Variants in ZNF804B observed in about 807,000 individuals in gnomAD.
ZNF804B encodes zinc finger 804B.
Under a neutral mutation model 101.4 loss-of-function variants are expected in ZNF804B, and 80 were observed. That is an observed-to-expected ratio of 0.79 (90% CI 0.66 to 0.95). The LOEUF is 0.95. Among genes scored for constraint, ZNF804B ranks in the 40% least tolerant of loss-of-function variants. The pLI is 0.00. For synonymous variants in ZNF804B, 622 were observed against 558.8 expected (o/e 1.11, Z -1.59); for missense variants, 1,673 against 1,561.9 (o/e 1.07, Z -1.20).
At chr7:89,200,166 T>C (rs10244601) in intron 1 of ZNF804B, among the ~76,000 whole-genome samples, 112,421 of 151,494 alleles carry the variant, frequency 0.74, 42,798 homozygotes, top group African/African-American at 0.87. Context: ...TGGTTGAGCT[T>C]GGATTAAAAG....
At chr7:89,240,409 T>G in intron 2 of ZNF804B, among the ~76,000 whole-genome samples, 1 of 152,032 alleles carries the variant, frequency 6.6e-6, no homozygotes, top group Non-Finnish European at 1.5e-5. Flanking sequence ...GAAAGTTTTT[T>G]TTTCTCTCTT....
intron 1 of ZNF804B, among the ~76,000 whole-genome samples, chr7:89,157,403 A>G (rs1379170314): frequency 6.6e-6 from 1 of 152,150 alleles, no homozygotes; most frequent in East Asian, 1.9e-4. Flanking sequence ...TTTTCTTTTT[A>G]TAAGTTGTAA....
chr7:88,954,480 T>TA (rs1186642184), intron 1 of ZNF804B, among the ~76,000 whole-genome samples: 1 of 151,510 alleles, frequency 6.6e-6, no homozygotes, highest in African/African-American at 2.4e-5. Flanking sequence ...TCTCTTTTCT[T>TA]AAAAGTTAAA....
At chr7:89,197,811 G>A (rs1788578083) in intron 1 of ZNF804B, among the ~76,000 whole-genome samples, 1 of 151,848 alleles carries the variant, frequency 6.6e-6, no homozygotes, top group Non-Finnish European at 1.5e-5. Context: ...GATATCTTTA[G>A]TTAAAGATAG....
chr7:89,045,881 G>A (rs1017671147), intron 1 of ZNF804B, among the ~76,000 whole-genome samples: 3 of 152,082 alleles, frequency 2.0e-5, no homozygotes, highest in African/African-American at 7.2e-5. Flanking sequence ...ATGTTGGAAA[G>A]GGCACAATTA....
chr7:88,855,386 G>A (rs1394760037), intron 1 of ZNF804B, among the ~76,000 whole-genome samples: 1 of 151,390 alleles, frequency 6.6e-6, no homozygotes, highest in Non-Finnish European at 1.5e-5. Flanking sequence ...GTGTCTGTTG[G>A]CTGCATAAAT....
intron 1 of ZNF804B, among the ~76,000 whole-genome samples, chr7:88,802,554 TTG>T (rs1376022452): frequency 6.6e-6 from 1 of 152,080 alleles, no homozygotes; most frequent in East Asian, 1.9e-4. Flanking sequence ...TAACCGAACT[TTG>T]TTAAGTGGAT....
intron 1 of ZNF804B, among the ~76,000 whole-genome samples, chr7:88,946,565 T>G (rs1241040411): frequency 2.6e-5 from 4 of 151,268 alleles, no homozygotes; most frequent in East Asian, 2.0e-4. Flanking sequence ...TTTTTTTTTT[T>G]TTTTTGTTTT....
At chr7:89,102,575 G>A (rs543762630) in intron 1 of ZNF804B, among the ~76,000 whole-genome samples, 2 of 151,902 alleles carry the variant, frequency 1.3e-5, no homozygotes, top group Non-Finnish European at 2.9e-5. Context: ...TGTAGATTGT[G>A]CATATTAGTC....
At chr7:89,080,379 T>G (rs1206834831) in intron 1 of ZNF804B, among the ~76,000 whole-genome samples, 2 of 152,002 alleles carry the variant, frequency 1.3e-5, no homozygotes, top group East Asian at 3.9e-4. Context: ...ATGGTAGTTA[T>G]TATTTGAGCT....
chr7:89,303,034 G>A (rs1790506387), intron 2 of ZNF804B, among the ~76,000 whole-genome samples: 1 of 151,852 alleles, frequency 6.6e-6, no homozygotes, highest in African/African-American at 2.4e-5. Flanking sequence ...CCTGGGCTGG[G>A]AATTACTATA....
At chr7:89,259,064 T>C (rs1456075601) in intron 2 of ZNF804B, among the ~76,000 whole-genome samples, 2 of 152,190 alleles carry the variant, frequency 1.3e-5, no homozygotes, top group Non-Finnish European at 2.9e-5. Context: ...ATAGAAGGGT[T>C]CATGTCATAA....
At chr7:89,140,835 AT>A (rs375309526) in intron 1 of ZNF804B, among the ~76,000 whole-genome samples, 2,334 of 151,516 alleles carry the variant, frequency 0.015, 66 homozygotes, top group African/African-American at 0.053. Context: ...TTCTTCAATA[AT>A]TTTTTTTTAC....
chr7:89,014,563 G>T, intron 1 of ZNF804B, among the ~76,000 whole-genome samples: 1 of 152,142 alleles, frequency 6.6e-6, no homozygotes, highest in Non-Finnish European at 1.5e-5. Context: ...TGATCCACCC[G>T]CCTTGGCCTC....
chr7:88,766,338 G>A (rs1789983297), intron 1 of ZNF804B, among the ~76,000 whole-genome samples: 1 of 152,008 alleles, frequency 6.6e-6, no homozygotes, highest in African/African-American at 2.4e-5. Context: ...AACATAAAAG[G>A]GGGTTTTGAT....
intron 1 of ZNF804B, among the ~76,000 whole-genome samples, chr7:88,882,082 C>T (rs185606780): frequency 8.4e-4 from 128 of 152,204 alleles, no homozygotes; most frequent in African/African-American, 2.9e-3. Flanking sequence ...GAAAACATAA[C>T]GAAAGCTCCA....
chr7:88,835,707 A>G (rs1361148381), intron 1 of ZNF804B, among the ~76,000 whole-genome samples: 1 of 151,936 alleles, frequency 6.6e-6, no homozygotes, highest in Non-Finnish European at 1.5e-5. Context: ...TTTATCAACT[A>G]TGTAGAATGT....
Position 88,763,864 on chromosome 7 carries a change from T to C in ZNF804B, c.108+3780T>C, listed in dbSNP as rs111352342. Among the ~76,000 whole-genome samples the C allele has an allele frequency of 2.7e-3, 417 of 152,286 alleles. 2 individuals are homozygous for C. The highest frequency in any genetic ancestry group is 9.6e-3 in the African/African-American group (398 of 41,558). On this transcript the variant is annotated intron_variant, in intron 1 of 3. Coordinates refer to ENST00000333190, the MANE Select transcript of ZNF804B (RefSeq NM_181646.5). ...AGTCTTCTACCATCAAATATATTAATGGTAAAACTTTGTTTTAATAATTGG... is the reference window on the plus strand; with the variant it reads ...AGTCTTCTACCATCAAATATATTAACGGTAAAACTTTGTTTTAATAATTGG...
At chr7:88,834,010 T>C (rs1791172154) in intron 1 of ZNF804B, among the ~76,000 whole-genome samples, 1 of 151,804 alleles carries the variant, frequency 6.6e-6, no homozygotes. Context: ...GAAATGGGGC[T>C]AGTTTTCAGC....
Sources: allele counts gnomAD v4.1 joint callset (sites outside exome capture counted in the v4.1 genomes callset), GRCh38; gene constraint gnomAD v4.1.1; transcripts MANE v1.5; gene names NCBI Gene and HGNC (gene_info 2026-07-23, HGNC 2026-07-21).